Variants in ADGRV1 observed in about 807,000 individuals in gnomAD.
The protein encoded by ADGRV1 is adhesion G protein-coupled receptor V1, also known as G-protein coupled receptor 98.
A neutral mutation model predicts 596.2 loss-of-function variants in ADGRV1; 359 were observed. The ratio of observed to expected loss-of-function variants is 0.60; its 90% CI spans 0.55 to 0.66. The LOEUF is 0.66. ADGRV1 is among the 30% of genes least tolerant of loss of function. The pLI is 0.00. For missense variants in ADGRV1, 7,274 were observed against 7,575.6 expected (o/e 0.96, Z 1.48); for synonymous variants, 2,681 against 2,679.2 (o/e 1.00, Z -0.02).
chr5:90,772,072 G>GCC lies in ADGRV1; in HGVS notation c.12286-2113_12286-2112dup, dbSNP rs765323240. Among the ~76,000 whole-genome samples, 130 of 152,236 alleles carry GCC rather than the reference G, an allele frequency of 8.5e-4. 1 individual carries two copies. Among genetic ancestry groups the GCC allele is most frequent in the Non-Finnish European group, 3.5e-4 (24 of 68,014 alleles). ...TGAAGAGCATATGATATGAAGAGCT[G>GCC]CCTTACATATACAGTAGATAAGGTG... On this transcript the variant is annotated intron_variant, in intron 59 of 89. Coordinates refer to ENST00000405460, the MANE Select transcript of ADGRV1 (RefSeq NM_032119.4).
chr5:91,001,531 T>C (rs1781856316), intron 85 of ADGRV1, among the ~76,000 whole-genome samples: 1 of 152,216 alleles, frequency 6.6e-6, no homozygotes, highest in Non-Finnish European at 1.5e-5. Context: ...TATTTATTCA[T>C]TGGCCATTTT....
chr5:90,585,428 A>G (rs971098222), intron 1 of ADGRV1, among the ~76,000 whole-genome samples: 1 of 152,168 alleles, frequency 6.6e-6, no homozygotes, highest in African/African-American at 2.4e-5. Context: ...GACAATGACA[A>G]AAGTCCTGAT....
chr5:91,124,722 A>G (rs1009364991), intron 87 of ADGRV1, among the ~76,000 whole-genome samples: 2 of 152,236 alleles, frequency 1.3e-5, no homozygotes, highest in African/African-American at 2.4e-5. Context: ...TGTTCATAAT[A>G]AACTTGGGTA....
At position 90,647,697 on chromosome 5, in the gene ADGRV1, AT is replaced by A; in HGVS notation, c.3225del (p.Phe1075LeufsTer16). ...VGSRQQSISI[F>X]VNEDGIPETD... ...GAAGTAGACAGCAGAGCATATCCAT[AT>A]TTGTTAATGAAGATGGTATCCCGGA... On this transcript the variant is annotated frameshift_variant, in exon 17 of 90. Transcript: ENST00000405460. LOFTEE classifies it high-confidence loss of function. 1 of 1,613,560 alleles carries A rather than the reference AT, an allele frequency of 6.2e-7. No individual in the cohort carries two copies. The highest frequency in any genetic ancestry group is 8.5e-7 in the Non-Finnish European group (1 of 1,179,484).
chr5:91,006,883 A>G (rs1782325573), intron 85 of ADGRV1, among the ~76,000 whole-genome samples: 1 of 152,168 alleles, frequency 6.6e-6, no homozygotes, highest in African/African-American at 2.4e-5. Flanking sequence ...CTGACCCTGC[A>G]TGTCCCTGTC....
intron 83 of ADGRV1, among the ~76,000 whole-genome samples, chr5:90,925,073 C>T (rs999174027): frequency 6.6e-6 from 1 of 151,984 alleles, no homozygotes; most frequent in Non-Finnish European, 1.5e-5. Context: ...TGTGATGCCT[C>T]CAGCTTTTTC....
intron 85 of ADGRV1, among the ~76,000 whole-genome samples, chr5:91,021,554 C>T (rs972931230): frequency 6.6e-6 from 1 of 152,052 alleles, no homozygotes; most frequent in Non-Finnish European, 1.5e-5. Context: ...ACACAGTGAA[C>T]CAGGTTAGAG....
intron 34 of ADGRV1, 60 bp from the exon 35 acceptor site, chr5:90,703,605 G>A: frequency 1.5e-6 from 2 of 1,330,326 alleles, no homozygotes; most frequent in Admixed American, 2.1e-5. Flanking sequence ...GTTTTGTTGA[G>A]TTCAAATGTG....
chr5:90,633,656 GAA>G (rs1167600173), intron 9 of ADGRV1, among the ~76,000 whole-genome samples: 2 of 151,700 alleles, frequency 1.3e-5, no homozygotes, highest in Non-Finnish European at 2.9e-5. Context: ...TCTCTAGAAA[GAA>G]TGACAGTTAT....
chr5:90,672,762 A>G (rs755853501), intron 22 of ADGRV1, 40 bp downstream of exon 22: 1 of 1,459,110 alleles, frequency 6.9e-7, no homozygotes, highest in Non-Finnish European at 9.3e-7. Context: ...AGCCTCCTGG[A>G]AAGCTTTTCC....
At chr5:91,120,193 A>C (rs1420918156) in intron 87 of ADGRV1, among the ~76,000 whole-genome samples, 1 of 152,186 alleles carries the variant, frequency 6.6e-6, no homozygotes, top group Non-Finnish European at 1.5e-5. Context: ...TCTTGTAAAG[A>C]GGGATGAAGG....
intron 85 of ADGRV1, among the ~76,000 whole-genome samples, chr5:91,062,689 T>C (rs1388737907): frequency 6.6e-6 from 1 of 152,276 alleles, no homozygotes; most frequent in East Asian, 1.9e-4. Context: ...AACATTCAGA[T>C]TGCTTCTGAA....
chr5:90,591,051 G>C (rs188249063), intron 1 of ADGRV1, among the ~76,000 whole-genome samples: 1 of 151,898 alleles, frequency 6.6e-6, no homozygotes, highest in Non-Finnish European at 1.5e-5. Flanking sequence ...ATCACATCAG[G>C]GTAAATGGGG....
intron 83 of ADGRV1, among the ~76,000 whole-genome samples, chr5:90,909,652 A>C (rs532477105): frequency 1.8e-4 from 28 of 152,332 alleles, no homozygotes; most frequent in African/African-American, 6.5e-4. Flanking sequence ...AGACAGAGAG[A>C]GAGATAAAGC....
At chr5:90,671,341 A>G (rs11955565) in intron 21 of ADGRV1, among the ~76,000 whole-genome samples, 36,988 of 152,086 alleles carry the variant, frequency 0.24, 4,723 homozygotes, top group East Asian at 0.43. Flanking sequence ...TGGGGGAAGA[A>G]TGTGCCTGCT....
At chr5:90,762,423 A>T (rs1756609014) in intron 58 of ADGRV1, among the ~76,000 whole-genome samples, 1 of 152,204 alleles carries the variant, frequency 6.6e-6, no homozygotes, top group Non-Finnish European at 1.5e-5. Context: ...TGTTGACATC[A>T]ATGCAAATCT....
intron 85 of ADGRV1, among the ~76,000 whole-genome samples, chr5:91,041,772 C>T (rs1785383119): frequency 6.6e-6 from 1 of 152,014 alleles, no homozygotes; most frequent in Non-Finnish European, 1.5e-5. Context: ...CCTAGCTTAA[C>T]ATCAATATTA....
intron 83 of ADGRV1, among the ~76,000 whole-genome samples, chr5:90,870,856 G>A (rs1052712399): frequency 5.3e-5 from 8 of 152,172 alleles, no homozygotes; most frequent in Non-Finnish European, 1.0e-4. Context: ...TTTGTTGAAA[G>A]GGTAATAGGA....
intron 1 of ADGRV1, among the ~76,000 whole-genome samples, chr5:90,562,594 T>A (rs1366603989): frequency 3.9e-5 from 6 of 152,162 alleles, no homozygotes; most frequent in Non-Finnish European, 8.8e-5. Flanking sequence ...GGGGCCCTTT[T>A]CTGGTGCAGT....
Sources: gnomAD v4.1 joint callset for allele counts (sites outside exome capture counted in the v4.1 genomes callset) on GRCh38, gnomAD v4.1.1 for gene constraint, MANE v1.5 for transcripts, NCBI Gene and HGNC (gene_info 2026-07-23, HGNC 2026-07-21) for gene names.